The following CPQ variants were observed in gnomAD, a reference collection of about 807,000 sequenced individuals.
The protein encoded by CPQ is Ser-Met dipeptidase.
Under a neutral mutation model 45.7 loss-of-function variants are expected in CPQ, and 37 were observed. That is an observed-to-expected ratio of 0.81 (90% CI 0.62 to 1.07). CPQ has a LOEUF of 1.07. CPQ is among the 50% of genes least tolerant of loss of function. CPQ has a pLI of 0.00. For synonymous variants in CPQ, 186 were observed against 205.8 expected (o/e 0.90, Z 0.82); for missense variants, 537 against 572.9 (o/e 0.94, Z 0.64).
At chr8:97,071,877 T>C (rs1012166640) in intron 7 of CPQ, among the ~76,000 whole-genome samples, 1 of 152,170 alleles carries the variant, frequency 6.6e-6, no homozygotes, top group Admixed American at 6.6e-5. Context: ...CATCTTTCCA[T>C]GTTGCCATTC....
Position 96,804,328 on chromosome 8 carries a change from G to A in CPQ, c.433+18998G>A, listed in dbSNP as rs556178082. On this transcript the variant is annotated intron_variant, in intron 2 of 7. Transcript: ENST00000220763. ...AATTATTTTTAGAGTGAGGAAAGAA[G>A]GGGAGGGAGGTTGTTAGATGGTAAT... Among the ~76,000 whole-genome samples, 5 of 152,256 alleles carry A rather than the reference G, an allele frequency of 3.3e-5. No individual in the cohort carries two copies. In the South Asian group the frequency reaches 1.0e-3, roughly 32 times the overall value.
chr8:96,926,570 C>CTTCTTCTTCTTCTTCTTCTTATTCTTCT (rs1563530774), intron 4 of CPQ, among the ~76,000 whole-genome samples: 2 of 46,654 alleles, frequency 4.3e-5, no homozygotes, highest in African/African-American at 3.5e-4. Context: ...CTTCCTCTTC[C>CTTCTTCTTCTTCTTCTTCTTATTCTTCT]TCTTCCTCTT....
At chr8:96,787,739 A>G (rs1810790262) in intron 2 of CPQ, among the ~76,000 whole-genome samples, 1 of 150,962 alleles carries the variant, frequency 6.6e-6, no homozygotes, top group Admixed American at 6.6e-5. Context: ...CAGTTTCTTT[A>G]CTTGTCTAAT....
intron 7 of CPQ, among the ~76,000 whole-genome samples, chr8:97,102,771 C>T (rs944033644): frequency 1.3e-5 from 2 of 152,182 alleles, no homozygotes; most frequent in Admixed American, 1.3e-4. Flanking sequence ...AGTATTATCA[C>T]TGGTGATGCT....
At position 96,743,613 on chromosome 8, in the gene CPQ, A is replaced by T. The variant is rs1349210290; in HGVS notation, c.-34-41251A>T. Reference sequence around the variant, plus strand: ...TTTCCCCATCTTTGTGGTTTTATCTACTTTTGGTCTTTGATGATGGTGATG... The same window carrying T: ...TTTCCCCATCTTTGTGGTTTTATCTTCTTTTGGTCTTTGATGATGGTGATG... On this transcript the variant is annotated intron_variant, in intron 1 of 7. Transcript: ENST00000220763. 1.4e-3 allele frequency among the ~76,000 whole-genome samples: 215 copies of T among 151,642 alleles called. 4 individuals are homozygous for T. The highest frequency in any genetic ancestry group is 0.011 in the Admixed American group (166 of 15,246).
At chr8:97,117,817 C>T (rs1303520380) in intron 7 of CPQ, among the ~76,000 whole-genome samples, 1 of 152,172 alleles carries the variant, frequency 6.6e-6, no homozygotes, top group Non-Finnish European at 1.5e-5. Flanking sequence ...AGAAACCTAG[C>T]TTCCCAAAGT....
intron 1 of CPQ, among the ~76,000 whole-genome samples, chr8:96,777,258 G>T: frequency 6.6e-6 from 1 of 152,118 alleles, no homozygotes; most frequent in East Asian, 1.9e-4. Context: ...GGGGAAAATG[G>T]TGGAAGGTAC....
intron 1 of CPQ, among the ~76,000 whole-genome samples, chr8:96,722,430 T>C (rs763581151): frequency 7.9e-5 from 12 of 152,132 alleles, no homozygotes; most frequent in East Asian, 1.9e-4. Context: ...GTTTTTTTTT[T>C]CACATATTAT....
intron 2 of CPQ, among the ~76,000 whole-genome samples, chr8:96,787,010 A>T (rs1285369808): frequency 6.6e-6 from 1 of 152,056 alleles, no homozygotes; most frequent in East Asian, 1.9e-4. Flanking sequence ...TATTTGCTAC[A>T]GAAATATTTA....
chr8:97,008,648 C>T (rs530169046), intron 5 of CPQ, among the ~76,000 whole-genome samples: 1 of 152,146 alleles, frequency 6.6e-6, no homozygotes, highest in Non-Finnish European at 1.5e-5. Context: ...ATCAGGAGAA[C>T]CTGGCTTTAA....
intron 5 of CPQ, among the ~76,000 whole-genome samples, chr8:96,968,650 G>C (rs775141003): frequency 5.9e-5 from 9 of 152,230 alleles, no homozygotes; most frequent in Non-Finnish European, 1.2e-4. Context: ...GTGTCATGCA[G>C]CATGTCAGAG....
At chr8:96,804,290 T>A (rs1201823446) in intron 2 of CPQ, among the ~76,000 whole-genome samples, 1 of 152,126 alleles carries the variant, frequency 6.6e-6, no homozygotes, top group Non-Finnish European at 1.5e-5. Flanking sequence ...GCTCTCACAC[T>A]TCTTAGGACA....
chr8:96,952,439 T>C (rs74334281), intron 4 of CPQ, among the ~76,000 whole-genome samples: 2,533 of 152,228 alleles, frequency 0.017, 66 homozygotes, highest in African/African-American at 0.057. Context: ...TCTGTAGCTC[T>C]ATGCAATTAA....
At chr8:97,000,909 T>C (rs1221374259) in intron 5 of CPQ, among the ~76,000 whole-genome samples, 1 of 152,190 alleles carries the variant, frequency 6.6e-6, no homozygotes, top group Non-Finnish European at 1.5e-5. Flanking sequence ...TCATCTCTGA[T>C]CTCTTTGAAC....
At chr8:96,889,190 C>G (rs886564270) in intron 4 of CPQ, among the ~76,000 whole-genome samples, 2 of 152,136 alleles carry the variant, frequency 1.3e-5, no homozygotes, top group Admixed American at 6.5e-5. Context: ...AGTGGATTTG[C>G]GTTTTAGCAG....
intron 5 of CPQ, among the ~76,000 whole-genome samples, chr8:97,010,608 A>C (rs1809471457): frequency 2.0e-5 from 3 of 152,136 alleles, no homozygotes; most frequent in South Asian, 4.1e-4. Flanking sequence ...CTCTAAACAC[A>C]GCATCAGTGG....
At position 96,734,437 on chromosome 8, in the gene CPQ, C is replaced by A. The variant is rs185221457; in HGVS notation, c.-34-50427C>A. On this transcript the variant is annotated intron_variant, in intron 1 of 7. Coordinates refer to ENST00000220763, the MANE Select transcript of CPQ (RefSeq NM_016134.4). ...ACTTAAAATCCTCTGACAGGCTGGG[C>A]GCGGTGGGTCACGCCTGTAATCCCA... Among the ~76,000 whole-genome samples, 48 of 152,274 alleles carry A rather than the reference C, an allele frequency of 3.2e-4. 1 individual carries two copies. In the East Asian group the frequency reaches 5.8e-3, roughly 18 times the overall value.
chr8:96,825,582 A>G (rs138221623), intron 2 of CPQ, among the ~76,000 whole-genome samples: 3 of 152,186 alleles, frequency 2.0e-5, no homozygotes, highest in East Asian at 3.9e-4. Flanking sequence ...GTGCCCATCA[A>G]GCCAATGAAC....
chr8:96,673,663 C>G (rs1329564993), intron 1 of CPQ, among the ~76,000 whole-genome samples: 2 of 152,114 alleles, frequency 1.3e-5, no homozygotes, highest in Non-Finnish European at 2.9e-5. Flanking sequence ...ATTCTCCTGC[C>G]TCAGTAGAGA....
Sources: gnomAD v4.1 joint callset for allele counts (sites outside exome capture counted in the v4.1 genomes callset) on GRCh38, gnomAD v4.1.1 for gene constraint, MANE v1.5 for transcripts, NCBI Gene and HGNC (gene_info 2026-07-23, HGNC 2026-07-21) for gene names.